Variants in CEP192 observed in about 807,000 individuals in gnomAD.
CEP192 encodes centrosomal protein 192, also known as centrosomal protein of 192 kDa.
A neutral mutation model predicts 271.8 loss-of-function variants in CEP192; 151 were observed. The ratio of observed to expected loss-of-function variants is 0.56; its 90% CI spans 0.49 to 0.64. The LOEUF is 0.64. CEP192 is among the 30% of genes least tolerant of loss of function. The pLI is 0.00. For missense variants in CEP192, 2,910 were observed against 3,020.5 expected, an observed-to-expected ratio of 0.96 and a Z score of 0.86; for synonymous variants, 995 against 1,076.5, an observed-to-expected ratio of 0.92 and a Z score of 1.48.
intron 3 of CEP192, among the ~76,000 whole-genome samples, chr18:13,005,625 G>A (rs1239144329): frequency 1.3e-5 from 2 of 152,170 alleles, no homozygotes; most frequent in Non-Finnish European, 2.9e-5. Context: ...CTGGGGAGAG[G>A]TAAGTGCTTA....
chr18:13,068,714 C>CT, intron 24 of CEP192, 138 bp from the exon 25 acceptor site: 1 of 795,866 alleles, frequency 1.3e-6, no homozygotes, highest in Non-Finnish European at 2.0e-6. Context: ...TCACTCATTT[C>CT]TATTCTTTTA....
At chr18:13,093,853 A>G (rs1379413456) in intron 34 of CEP192, among the ~76,000 whole-genome samples, 1 of 152,218 alleles carries the variant, frequency 6.6e-6, no homozygotes, top group African/African-American at 2.4e-5. Context: ...ATAGATAAGG[A>G]CATTAGTGTG....
intron 1 of CEP192, among the ~76,000 whole-genome samples, chr18:12,992,508 A>G (rs991271272): frequency 1.3e-5 from 2 of 152,200 alleles, no homozygotes; most frequent in African/African-American, 4.8e-5. Context: ...GGAAATAGCA[A>G]GAGAAATTGC....
rs1381894011 is a variant in CEP192 at position 13,019,080 on chromosome 18, A to G, written c.926-2A>G. ...CTTTAACATTTTTCTTTATTTTTTC[A>G]GGTAATTCTATAGGTACTGGAGATA... On this transcript the variant is annotated splice_acceptor_variant, in intron 8 of 44. Coordinates refer to ENST00000506447, the MANE Select transcript of CEP192 (RefSeq NM_032142.4). LOFTEE classifies it high-confidence loss of function. The G allele has an allele frequency of 3.9e-6, 6 of 1,525,844 alleles. No individual in the cohort carries two copies. The highest frequency in any genetic ancestry group is 5.3e-6 in the Non-Finnish European group (6 of 1,138,294). 94.5% of individuals were successfully genotyped at this position (1,525,844 alleles called of 1,614,324 possible).
Position 13,023,182 on chromosome 18 carries a change from A to G in CEP192, c.1050+3976A>G, listed in dbSNP as rs916738536. ...TTATTTCCTTTTCTTGTCTTATTGC[A>G]TTAGATAGGACTTAAAGACAGTTTT... On this transcript the variant is annotated intron_variant, in intron 9 of 44. Coordinates refer to ENST00000506447, the MANE Select transcript of CEP192 (RefSeq NM_032142.4). 3.3e-5 allele frequency among the ~76,000 whole-genome samples: 5 copies of G among 152,040 alleles called. 1 individual carries two copies. The highest frequency in any genetic ancestry group is 2.6e-4 in the Admixed American group (4 of 15,268).
intron 21 of CEP192, among the ~76,000 whole-genome samples, chr18:13,064,003 T>C (rs1024454006): frequency 6.6e-6 from 1 of 151,386 alleles, no homozygotes; most frequent in African/African-American, 2.4e-5. Context: ...GTATTTTTAA[T>C]AGAGATGGGG....
chr18:13,092,412 C>T lies in CEP192; in HGVS notation c.6139C>T (p.Leu2047Phe). The T allele has an allele frequency of 6.2e-7, 1 of 1,602,480 alleles. No individual in the cohort carries two copies. The highest frequency in any genetic ancestry group is 8.5e-7 in the Non-Finnish European group (1 of 1,172,186). The change falls in exon 34 of 45, where the codon CTC (leucine) becomes TTC (phenylalanine). Residue 2047 changes from leucine to phenylalanine, a missense_variant. Physicochemically the swap from Leu to Phe is conservative, Grantham distance 22 (BLOSUM62 0). Coordinates refer to ENST00000506447, the MANE Select transcript of CEP192 (RefSeq NM_032142.4). ...DLPQRPNDVQLFYGSMCKIIL... is the reference protein window; with the variant it reads ...DLPQRPNDVQFFYGSMCKIIL... ...TCCCCAACGACCTAATGATGTTCAG[C>T]TCTTTTATGGAAGCATGTGTAAAAT...
intron 18 of CEP192, among the ~76,000 whole-genome samples, chr18:13,053,873 G>T (rs1335653928): frequency 3.3e-5 from 5 of 151,042 alleles, no homozygotes; most frequent in African/African-American, 1.2e-4. Flanking sequence ...ATTTTTTTTT[G>T]TAGAAACAGC....
intron 13 of CEP192, among the ~76,000 whole-genome samples, chr18:13,040,435 G>A (rs1008469994): frequency 2.4e-4 from 37 of 152,288 alleles, no homozygotes; most frequent in African/African-American, 8.4e-4. Context: ...CAAATTGGTA[G>A]GAGCGTCCCT....
At chr18:13,088,260 CAACA>C (rs1242578420) in intron 32 of CEP192, among the ~76,000 whole-genome samples, 1 of 151,902 alleles carries the variant, frequency 6.6e-6, no homozygotes, top group East Asian at 1.9e-4. Context: ...CCAGCCTGGG[CAACA>C]TAATGAGACC....
chr18:13,083,921 C>T (rs1366575666), intron 30 of CEP192, among the ~76,000 whole-genome samples: 2 of 152,166 alleles, frequency 1.3e-5, no homozygotes, highest in African/African-American at 4.8e-5. Flanking sequence ...CACTCCAGAT[C>T]CTGTTTGCCT....
chr18:13,054,151 C>T (rs2036956782), intron 18 of CEP192, among the ~76,000 whole-genome samples: 1 of 152,142 alleles, frequency 6.6e-6, no homozygotes, highest in Admixed American at 6.5e-5. Flanking sequence ...TAAAAGCTCA[C>T]TCCAACAGCA....
Position 12,999,499 on chromosome 18 carries a change from G to A in CEP192, c.75G>A (p.Gly25=). The A allele has an allele frequency of 6.4e-7, 1 of 1,550,816 alleles. No individual in the cohort carries two copies. The highest frequency in any genetic ancestry group is 1.2e-5 in the South Asian group (1 of 83,930). ...CCAATTCATTATTTGGTAACAGTGG[G>A]ATTTTGGAAAATGTCACTCTTTCTT... The part of the protein sequence containing the change: ...FLTNSLFGNS[G]ILENVTLSSN... The change falls in exon 2 of 45, where the codon GGG becomes GGA. Residue 25 remains glycine (G), a synonymous_variant. Coordinates refer to ENST00000506447, the MANE Select transcript of CEP192 (RefSeq NM_032142.4).
chr18:13,116,886 G>A (rs2145116124), intron 43 of CEP192, among the ~76,000 whole-genome samples: 1 of 152,250 alleles, frequency 6.6e-6, no homozygotes, highest in Non-Finnish European at 1.5e-5. Flanking sequence ...TGGGATTACA[G>A]GCGTGTGCCA....
In CEP192 at chr18:13,068,088, A is replaced by T. The variant is rs768463240; in HGVS notation, c.4615-6A>T. 7 of 1,614,126 alleles carry T rather than the reference A, an allele frequency of 4.3e-6. No individual in the cohort carries two copies. The South Asian group carries it at 7.7e-5, about 18-fold the overall frequency. On this transcript the variant is annotated splice_polypyrimidine_tract_variant and splice_region_variant and intron_variant, in intron 22 of 44. Coordinates refer to ENST00000506447, the MANE Select transcript of CEP192 (RefSeq NM_032142.4). The stretch of plus-strand genomic sequence containing the variant: ...TTACTGAACTGATTCTTGTATTTCT[A>T]AACAGAACGCTGTAGCCTGGCGCTG...
intron 17 of CEP192, among the ~76,000 whole-genome samples, chr18:13,052,184 T>C (rs1392389113): frequency 6.6e-6 from 1 of 152,214 alleles, no homozygotes; most frequent in Non-Finnish European, 1.5e-5. Context: ...TTTGTGCAGA[T>C]AGATGTGAGA....
intron 30 of CEP192, among the ~76,000 whole-genome samples, chr18:13,074,594 T>G (rs2038176592): frequency 6.6e-6 from 1 of 152,308 alleles, no homozygotes; most frequent in African/African-American, 2.4e-5. Flanking sequence ...AAGCAGGGGT[T>G]TGACATCCTT....
chr18:13,078,070 T>C (rs976878299), intron 30 of CEP192, among the ~76,000 whole-genome samples: 1 of 152,220 alleles, frequency 6.6e-6, no homozygotes, highest in Non-Finnish European at 1.5e-5. Flanking sequence ...TTTCTCCTAA[T>C]GCTATTCCTC....
chr18:13,120,819 T>C (rs1350512238), intron 44 of CEP192, among the ~76,000 whole-genome samples: 1 of 152,232 alleles, frequency 6.6e-6, no homozygotes, highest in Non-Finnish European at 1.5e-5. Context: ...ATTGTAAATT[T>C]GGTAAAGTAT....
Sources: allele counts gnomAD v4.1 joint callset (sites outside exome capture counted in the v4.1 genomes callset), GRCh38; gene constraint gnomAD v4.1.1; transcripts MANE v1.5; gene names NCBI Gene and HGNC (gene_info 2026-07-23, HGNC 2026-07-21).